SH3BGRL: variants seen among roughly 807,000 people sequenced by gnomAD.
The protein encoded by SH3BGRL is adapter SH3BGRL.
In SH3BGRL, 7 loss-of-function variants were observed where a neutral mutation model predicts 9.8. The observed-to-expected ratio is 0.72, with a 90% CI of 0.41 to 1.35. SH3BGRL has a LOEUF of 1.35. SH3BGRL is among the 40% of genes most tolerant of loss of function. SH3BGRL has a pLI of 0.01. For missense variants in SH3BGRL, 73 were observed against 84.4 expected (o/e 0.86, Z 0.53); for synonymous variants, 36 against 29.1 (o/e 1.24, Z -0.76).
At chrX:81,241,711 T>A (rs1360815762) in intron 1 of SH3BGRL, among the ~76,000 whole-genome samples, 1 of 111,916 alleles carries the variant, frequency 8.9e-6, no homozygotes, top group Non-Finnish European at 1.9e-5. Context: ...GACCCCAGAC[T>A]TAGGGGGTCC....
intron 1 of SH3BGRL, among the ~76,000 whole-genome samples, chrX:81,205,007 T>C (rs932524017): frequency 2.7e-5 from 3 of 112,491 alleles, no homozygotes; most frequent in Non-Finnish European, 5.6e-5. Context: ...ACACAATGTG[T>C]GATGATCAAA....
chrX:81,254,488 C>T (rs2075719564), intron 1 of SH3BGRL, among the ~76,000 whole-genome samples: 1 of 112,141 alleles, frequency 8.9e-6, no homozygotes, highest in South Asian at 3.7e-4. Flanking sequence ...AGTTGCTAGG[C>T]TCCCTTGAAA....
chrX:81,258,963 A>T (rs1044615903), intron 1 of SH3BGRL, among the ~76,000 whole-genome samples: 3 of 112,656 alleles, frequency 2.7e-5, no homozygotes, highest in African/African-American at 9.7e-5. Context: ...AAAAGAAAAA[A>T]AGCTAATGTT....
chrX:81,237,488 A>C (rs1445931627), intron 1 of SH3BGRL, among the ~76,000 whole-genome samples: 1 of 111,766 alleles, frequency 8.9e-6, no homozygotes, highest in African/African-American at 3.3e-5. Context: ...CTGTTAGAGC[A>C]GAAAGGAAAA....
At chrX:81,273,779 G>A (rs191419894) in intron 1 of SH3BGRL, among the ~76,000 whole-genome samples, 5 of 109,705 alleles carry the variant, frequency 4.6e-5, no homozygotes, top group Middle Eastern at 4.8e-3. Context: ...ACCTTCTAAA[G>A]CAGAAACTTT....
At chrX:81,278,094 C>T (rs900957204) in intron 2 of SH3BGRL, among the ~76,000 whole-genome samples, 42 of 111,627 alleles carry the variant, frequency 3.8e-4, no homozygotes, top group Non-Finnish European at 3.0e-4. Context: ...TTCCAAGTAG[C>T]GGGGATTACA....
At chrX:81,259,770 A>C (rs988149743) in intron 1 of SH3BGRL, among the ~76,000 whole-genome samples, 5 of 111,955 alleles carry the variant, frequency 4.5e-5, no homozygotes, top group Non-Finnish European at 9.4e-5. Flanking sequence ...GTAGCCACCT[A>C]TGGTCAGAAG....
chrX:81,206,086 C>T (rs1407773282), intron 1 of SH3BGRL, among the ~76,000 whole-genome samples: 1 of 111,275 alleles, frequency 9.0e-6, no homozygotes, highest in African/African-American at 3.3e-5. Context: ...TTCTTTTTTG[C>T]TACTGACTTC....
Position 81,261,819 on chromosome X carries a change from T to C in SH3BGRL, c.46-15165T>C, listed in dbSNP as rs781332890. 1.6e-4 allele frequency among the ~76,000 whole-genome samples: 18 copies of C among 111,437 alleles called. No homozygotes were observed. The East Asian group carries it at 3.1e-3, about 19-fold the overall frequency. ...GTAAAAAGAATGCATGTAGGCATAT[T>C]GTACATTCCACAGGCGTTAGTACTT... On this transcript the variant is annotated intron_variant, in intron 1 of 3. Coordinates refer to ENST00000373212, the MANE Select transcript of SH3BGRL (RefSeq NM_003022.3).
intron 3 of SH3BGRL, among the ~76,000 whole-genome samples, chrX:81,287,905 T>G (rs765880886): frequency 7.7e-5 from 8 of 104,447 alleles, no homozygotes; most frequent in African/African-American, 2.8e-4. Context: ...ATTACCCTGG[T>G]GCCAAAATCA....
chrX:81,238,549 A>C (rs184887328), intron 1 of SH3BGRL, among the ~76,000 whole-genome samples: 8 of 111,463 alleles, frequency 7.2e-5, no homozygotes, highest in Non-Finnish European at 1.3e-4. Context: ...CTTTGAATCC[A>C]CCTGGGATCT....
At chrX:81,245,018 T>C (rs770813325) in intron 1 of SH3BGRL, among the ~76,000 whole-genome samples, 52 of 112,137 alleles carry the variant, frequency 4.6e-4, no homozygotes, top group African/African-American at 1.5e-3. Context: ...TGAAAGTCAA[T>C]ATACTCTGCT....
intron 1 of SH3BGRL, among the ~76,000 whole-genome samples, chrX:81,218,706 C>T (rs369542776): frequency 9.8e-6 from 1 of 102,396 alleles, no homozygotes; most frequent in Non-Finnish European, 2.0e-5. Flanking sequence ...TGTATATATA[C>T]ACACATACAG....
At chrX:81,252,559 GA>G (rs1469834335) in intron 1 of SH3BGRL, among the ~76,000 whole-genome samples, 1 of 111,478 alleles carries the variant, frequency 9.0e-6, no homozygotes, top group African/African-American at 3.3e-5. Context: ...GGCCGCATTG[GA>G]AAAAAAGTTG....
intron 1 of SH3BGRL, among the ~76,000 whole-genome samples, chrX:81,232,202 T>C (rs1467972765): frequency 9.0e-6 from 1 of 111,353 alleles, no homozygotes; most frequent in African/African-American, 3.3e-5. Flanking sequence ...ACTCATATTG[T>C]CCCTAAAATA....
chrX:81,281,941 A>G (rs780030788), intron 3 of SH3BGRL, among the ~76,000 whole-genome samples: 19 of 111,769 alleles, frequency 1.7e-4, no homozygotes, highest in Non-Finnish European at 3.2e-4. Flanking sequence ...CCTTCAGGAG[A>G]CTCACCTAAC....
At chrX:81,211,534 C>G (rs776938665) in intron 1 of SH3BGRL, among the ~76,000 whole-genome samples, 16 of 110,542 alleles carry the variant, frequency 1.4e-4, no homozygotes, top group Non-Finnish European at 1.7e-4. Context: ...TTGCAGTGAT[C>G]CGAGATCGTG....
intron 1 of SH3BGRL, among the ~76,000 whole-genome samples, chrX:81,235,255 G>A (rs1263248730): frequency 9.0e-6 from 1 of 110,544 alleles, no homozygotes; most frequent in Non-Finnish European, 1.9e-5. Context: ...TGAGGATTTA[G>A]GATATAGTAT....
chrX:81,291,827 C>G (rs1602632323), intron 3 of SH3BGRL, among the ~76,000 whole-genome samples: 1 of 112,177 alleles, frequency 8.9e-6, no homozygotes, highest in African/African-American at 3.2e-5. Context: ...CTATGTAAGA[C>G]TGAAACCAAG....
Sources: gnomAD v4.1 joint callset for allele counts (sites outside exome capture counted in the v4.1 genomes callset) on GRCh38, gnomAD v4.1.1 for gene constraint, MANE v1.5 for transcripts, NCBI Gene and HGNC (gene_info 2026-07-23, HGNC 2026-07-21) for gene names.